The following MAP3K19 variants were observed in gnomAD, a reference collection of about 807,000 sequenced individuals.
MAP3K19 encodes SPS1/STE20-related protein kinase YSK4.
In MAP3K19, 91 loss-of-function variants were observed where a neutral mutation model predicts 114.4. That is an observed-to-expected ratio of 0.80 (90% CI 0.67 to 0.95). The LOEUF (loss-of-function observed/expected upper bound fraction) is 0.95. MAP3K19 is among the 40% of genes least tolerant of loss of function. The probability of loss-of-function intolerance (pLI) is 0.00; values close to 1 mark genes in which losing one functional copy is unlikely to be tolerated. For missense variants in MAP3K19, 1,471 were observed against 1,573.2 expected (o/e 0.94, Z 1.10); for synonymous variants, 518 against 530.5 (o/e 0.98, Z 0.32).
At chr2:134,983,634 G>A (rs371116419) in intron 11 of MAP3K19, 42 bp downstream of exon 11, 10 of 1,474,932 alleles carry the variant, frequency 6.8e-6, no homozygotes, top group South Asian at 4.3e-5. Flanking sequence ...GGGACTGTGG[G>A]GGGGTGGGGA....
intron 12 of MAP3K19, among the ~76,000 whole-genome samples, chr2:134,967,582 T>C (rs982753390): frequency 2.0e-5 from 3 of 152,248 alleles, no homozygotes; most frequent in Admixed American, 2.0e-4. Flanking sequence ...GAGAGAAACA[T>C]AAATCTTGCT....
intron 12 of MAP3K19, among the ~76,000 whole-genome samples, chr2:134,977,891 T>C (rs1034191006): frequency 6.6e-6 from 1 of 152,184 alleles, no homozygotes; most frequent in Non-Finnish European, 1.5e-5. Context: ...CATTCCTCTA[T>C]AGAAATTGCC....
At chr2:135,008,185 C>T (rs948757851) in intron 5 of MAP3K19, among the ~76,000 whole-genome samples, 4 of 151,092 alleles carry the variant, frequency 2.6e-5, no homozygotes, top group Admixed American at 1.3e-4. Flanking sequence ...TGCAGTGGTG[C>T]GACCTCAGCT....
chr2:135,036,484 G>T (rs1688530073), intron 2 of MAP3K19, among the ~76,000 whole-genome samples: 1 of 152,138 alleles, frequency 6.6e-6, no homozygotes, highest in South Asian at 2.1e-4. Context: ...ATAATTAAAT[G>T]TTTATTTGAT....
intron 5 of MAP3K19, among the ~76,000 whole-genome samples, chr2:135,008,120 C>T (rs530272997): frequency 6.6e-6 from 1 of 151,822 alleles, no homozygotes; most frequent in East Asian, 1.9e-4. Flanking sequence ...AGGGTCATAA[C>T]AGTACTTCTT....
Position 134,998,776 on chromosome 2 carries a change from G to T in MAP3K19, c.536C>A (p.Ala179Asp), listed in dbSNP as rs1448984930. ...NISKSVTRED[A>D]PHFLKEQQRK... The stretch of plus-strand genomic sequence containing the variant: ...TTGCTGCTCCTTCAGAAAATGAGGA[G>T]CATCTTCTCTGGTTACAGACTTGGA... Residue 179 changes from alanine to aspartate, a missense_variant, in exon 8 of 13, where the codon GCT (alanine) becomes GAT (aspartate). Transcript: ENST00000392915. 3 of 1,604,406 alleles carry T rather than the reference G, an allele frequency of 1.9e-6. No individual in the cohort carries two copies. Among genetic ancestry groups the T allele is most frequent in the South Asian group, 2.2e-5 (2 of 89,554 alleles).
Position 135,037,991 on chromosome 2 carries a change from G to A in MAP3K19, c.-284+2372C>T, listed in dbSNP as rs114389611. 2.8e-3 allele frequency among the ~76,000 whole-genome samples: 423 copies of A among 152,244 alleles called. 1 individual carries two copies. The highest frequency in any genetic ancestry group is 9.5e-3 in the African/African-American group (396 of 41,544). ...TCTGGCACGCTAACTCATTAGCTGC[G>A]AGTAGGGTAAAATCCCAGATCCTTC... is the stretch of plus-strand genomic sequence containing the variant. On this transcript the variant is annotated intron_variant, in intron 2 of 12. Transcript: ENST00000392915.
Position 134,988,140 on chromosome 2 carries a change from A to G in MAP3K19, c.732T>C (p.Phe244=). 1 of 1,614,074 alleles carries G rather than the reference A, an allele frequency of 6.2e-7. No individual in the cohort carries two copies. Among genetic ancestry groups the G allele is most frequent in the Non-Finnish European group, 8.5e-7 (1 of 1,180,000 alleles). Reference sequence around the variant, plus strand: ...GAACAGACACTGAGAGCTTAGGCACAAAAGATGTGAGACTTGGAATGTTTC... The same window carrying G: ...GAACAGACACTGAGAGCTTAGGCACGAAAGATGTGAGACTTGGAATGTTTC... ...KERNIPSLTS[F]VPKLSVSVRQ... is the part of the protein sequence containing the mutation. Residue 244 remains phenylalanine, a synonymous_variant, in exon 10 of 13, where the codon TTT becomes TTC. Transcript: ENST00000392915.
chr2:134,998,364 T>C (rs2105287505), intron 8 of MAP3K19, among the ~76,000 whole-genome samples: 1 of 152,358 alleles, frequency 6.6e-6, no homozygotes, highest in Middle Eastern at 3.4e-3. Context: ...ATCAGTAGGA[T>C]ATTGATACTG....
chr2:135,024,444 C>T (rs528752258), intron 4 of MAP3K19, among the ~76,000 whole-genome samples, 182 bp downstream of exon 4: 14 of 152,302 alleles, frequency 9.2e-5, no homozygotes, highest in African/African-American at 2.4e-4. Flanking sequence ...TTAAACCTTG[C>T]GTTAGACTTC....
chr2:135,032,586 T>TG (rs147216137), intron 2 of MAP3K19, among the ~76,000 whole-genome samples: 40,095 of 151,036 alleles, frequency 0.27, 7,176 homozygotes, highest in African/African-American at 0.49. Flanking sequence ...GTTGTTTGTT[T>TG]TTTTTTTAAT....
intron 12 of MAP3K19, among the ~76,000 whole-genome samples, chr2:134,979,620 A>G (rs1684481857): frequency 7.1e-6 from 1 of 141,528 alleles, no homozygotes. Context: ...TGTCTATACG[A>G]TTTTCCAACA....
intron 2 of MAP3K19, among the ~76,000 whole-genome samples, chr2:135,035,881 C>A (rs1688513931): frequency 6.6e-6 from 1 of 152,172 alleles, no homozygotes; most frequent in South Asian, 2.1e-4. Flanking sequence ...GTTGCCCAGG[C>A]TGGAGTGCAA....
chr2:134,974,509 C>T (rs932351374), intron 12 of MAP3K19, among the ~76,000 whole-genome samples: 3 of 152,154 alleles, frequency 2.0e-5, no homozygotes, highest in Non-Finnish European at 4.4e-5. Context: ...ATTTGTGGAT[C>T]TCTTAGCTTC....
intron 5 of MAP3K19, among the ~76,000 whole-genome samples, chr2:135,010,579 C>T (rs1044020395): frequency 2.0e-5 from 3 of 152,180 alleles, no homozygotes; most frequent in Non-Finnish European, 4.4e-5. Flanking sequence ...GCATACCAAA[C>T]ATACAGAATG....
At chr2:135,003,965 C>A (rs1686633047) in intron 6 of MAP3K19, among the ~76,000 whole-genome samples, 2 of 152,208 alleles carry the variant, frequency 1.3e-5, no homozygotes, top group Admixed American at 1.3e-4. Context: ...CAACTGAAGT[C>A]TCTATCAACT....
chr2:135,024,731 G>T lies in MAP3K19; in HGVS notation c.-84C>A. 8.4e-7 allele frequency: 1 copy of T among 1,194,484 alleles called. No individual in the cohort carries two copies. The highest frequency in any genetic ancestry group is 1.2e-6 in the Non-Finnish European group (1 of 808,466). 74.0% of individuals were successfully genotyped at this position (1,194,484 alleles called of 1,614,324 possible). On this transcript the variant is annotated 5_prime_UTR_variant, in exon 4 of 13. Coordinates refer to ENST00000392915, the MANE Select transcript of MAP3K19 (RefSeq NM_025052.5). ...GCTGATTTTCCACTAAAATCACAAA[G>T]TTTAGGATCTCTAGGAAGAACAGAA...
rs1262600257 is a variant in MAP3K19 at position 134,986,443 on chromosome 2, A to G, written c.2429T>C (p.Val810Ala). 1 of 1,614,000 alleles carries G rather than the reference A, an allele frequency of 6.2e-7. No homozygotes were observed. Among genetic ancestry groups the G allele is most frequent in the Non-Finnish European group, 8.5e-7 (1 of 1,180,038 alleles). ...EFPPVSDLSIVEEVSMEESTG... is the reference protein window; with the variant it reads ...EFPPVSDLSIAEEVSMEESTG... ...AGACTCTTCCATAGAAACTTCTTCA[A>G]CAATGGATAAATCTGAGACAGGAGG... Residue 810 changes from valine (V) to alanine (A), a missense_variant, in exon 10 of 13, where the codon GTT becomes GCT. By Grantham distance (64) the Val-to-Ala change is moderately conservative (BLOSUM62 0). Coordinates refer to ENST00000392915, the MANE Select transcript of MAP3K19 (RefSeq NM_025052.5).
At position 135,036,637 on chromosome 2, in the gene MAP3K19, A is replaced by ATGTG. The variant is rs57859657; in HGVS notation, c.-284+3722_-284+3725dup. Among the ~76,000 whole-genome samples, 914 of 140,286 alleles carry ATGTG rather than the reference A, an allele frequency of 6.5e-3. 8 individuals carry two copies. The highest frequency in any genetic ancestry group is 0.014 in the African/African-American group (552 of 38,290). 92.0% of individuals were successfully genotyped at this position (140,286 alleles called of 152,430 possible). Reference sequence around the variant, plus strand: ...AAATATTTAGTTGGAGTTCAACATTATGTGTGTGTGTGTGTGTGTGTGTGT... The same window carrying ATGTG: ...AAATATTTAGTTGGAGTTCAACATTATGTGTGTGTGTGTGTGTGTGTGTGTGTGT... On this transcript the variant is annotated intron_variant, in intron 2 of 12. Coordinates refer to ENST00000392915, the MANE Select transcript of MAP3K19 (RefSeq NM_025052.5).
Sources: allele counts gnomAD v4.1 joint callset (sites outside exome capture counted in the v4.1 genomes callset), GRCh38; gene constraint gnomAD v4.1.1; transcripts MANE v1.5; gene names NCBI Gene and HGNC (gene_info 2026-07-23, HGNC 2026-07-21).